The following PSMD1 variants were observed in gnomAD, a reference collection of about 807,000 sequenced individuals.
PSMD1 encodes the protein 26S proteasome non-ATPase regulatory subunit 1.
PSMD1 carries 18 observed loss-of-function variants against 119.0 expected under a neutral mutation model. The ratio of observed to expected loss-of-function variants is 0.15; its 90% CI spans 0.10 to 0.22. PSMD1 has a LOEUF of 0.22. PSMD1 is among the 10% of genes least tolerant of loss of function. PSMD1 has a pLI of 1.00. For synonymous variants in PSMD1, 374 were observed against 396.6 expected, an observed-to-expected ratio of 0.94 and a Z score of 0.68; for missense variants, 702 against 1,158.5, an observed-to-expected ratio of 0.61 and a Z score of 5.72.
chr2:231,169,159 T>G (rs79664534), intron 23 of PSMD1, among the ~76,000 whole-genome samples: 6,914 of 152,226 alleles, frequency 0.045, 224 homozygotes, highest in African/African-American at 0.09. Flanking sequence ...GGATTTTTTT[T>G]TGTGTGTGTG....
At chr2:231,064,027 T>C (rs1385791467) in intron 4 of PSMD1, among the ~76,000 whole-genome samples, 3 of 152,176 alleles carry the variant, frequency 2.0e-5, no homozygotes, top group Non-Finnish European at 4.4e-5. Flanking sequence ...ATGCTTAAAA[T>C]GCCACCATTG....
chr2:231,074,977 C>T (rs1463832778), intron 7 of PSMD1, among the ~76,000 whole-genome samples: 6 of 152,164 alleles, frequency 3.9e-5, no homozygotes, highest in African/African-American at 1.4e-4. Context: ...TACAGGCACG[C>T]ACCACTATAC....
chr2:231,167,865 G>A (rs1263458035), intron 23 of PSMD1, among the ~76,000 whole-genome samples: 1 of 152,216 alleles, frequency 6.6e-6, no homozygotes, highest in Non-Finnish European at 1.5e-5. Flanking sequence ...AAGATGTACA[G>A]ATGGGCAAAT....
intron 16 of PSMD1, among the ~76,000 whole-genome samples, chr2:231,134,475 C>T (rs1695925590): frequency 6.6e-6 from 1 of 152,180 alleles, no homozygotes; most frequent in Non-Finnish European, 1.5e-5. Context: ...ATAATAATCA[C>T]TCAATAAATA....
At chr2:231,123,423 TG>T in intron 16 of PSMD1, 1 of 1,613,012 alleles carries the variant, frequency 6.2e-7, no homozygotes, top group Non-Finnish European at 8.5e-7. Context: ...CAAACATTAT[TG>T]TCAAGAGGGC....
intron 16 of PSMD1, among the ~76,000 whole-genome samples, chr2:231,119,416 A>G (rs774490182): frequency 6.6e-6 from 1 of 151,948 alleles, no homozygotes; most frequent in Non-Finnish European, 1.5e-5. Flanking sequence ...AAGTGATTGA[A>G]CTCTGAAATA....
At chr2:231,086,426 G>A (rs1216873593) in intron 15 of PSMD1, among the ~76,000 whole-genome samples, 1 of 152,196 alleles carries the variant, frequency 6.6e-6, no homozygotes, top group Non-Finnish European at 1.5e-5. Flanking sequence ...GGAGGCAGTG[G>A]TGGGCAGATC....
Position 231,077,049 on chromosome 2 carries a change from G to A in PSMD1, c.958G>A (p.Asp320Asn). ...KTPEASPEPK[D>N]QTLKMIKILS... The stretch of plus-strand genomic sequence containing the variant: ...GTTTTGGCAGAGTCCAGAGCCTAAG[G>A]ACCAGACTTTGAAAATGATTAAAAT... The change falls in exon 9 of 25, where the codon GAC becomes AAC. Residue 320 changes from aspartate (D) to asparagine (N), a missense_variant. Around this residue, in one of 9 missense-constraint regions of PSMD1, gnomAD observed 69 missense variants for 71.6 expected, o/e 0.96. Coordinates refer to ENST00000308696, the MANE Select transcript of PSMD1 (RefSeq NM_002807.4). 6.2e-7 allele frequency: 1 copy of A among 1,603,986 alleles called. No homozygotes were observed. The highest frequency in any genetic ancestry group is 8.5e-7 in the Non-Finnish European group (1 of 1,176,748).
intron 18 of PSMD1, 120 bp downstream of exon 18, chr2:231,146,476 T>A: frequency 2.8e-6 from 2 of 708,342 alleles, no homozygotes; most frequent in Non-Finnish European, 4.9e-6. Context: ...AAAGTAAAAG[T>A]AAAGAGAGCA....
intron 5 of PSMD1, among the ~76,000 whole-genome samples, chr2:231,069,652 C>G (rs1279528340): frequency 6.6e-6 from 1 of 152,020 alleles, no homozygotes; most frequent in African/African-American, 2.4e-5. Flanking sequence ...AGTCTAGTAG[C>G]AAGATAAGAA....
At chr2:231,149,335 A>G (rs934454925) in intron 18 of PSMD1, among the ~76,000 whole-genome samples, 6 of 152,168 alleles carry the variant, frequency 3.9e-5, no homozygotes. Flanking sequence ...TCTCCTCTTT[A>G]TTAAATTATC....
chr2:231,072,751 G>C (rs771771149), intron 7 of PSMD1, among the ~76,000 whole-genome samples: 1 of 151,938 alleles, frequency 6.6e-6, no homozygotes, highest in Non-Finnish European at 1.5e-5. Flanking sequence ...GATATATCTG[G>C]GTTAGATATT....
At chr2:231,130,657 G>A (rs1040676820) in intron 16 of PSMD1, among the ~76,000 whole-genome samples, 5 of 152,006 alleles carry the variant, frequency 3.3e-5, no homozygotes, top group Non-Finnish European at 7.4e-5. Flanking sequence ...GGGGTTTCGC[G>A]GGAATGCCAA....
At chr2:231,060,080 C>A (rs1693719348) in intron 1 of PSMD1, among the ~76,000 whole-genome samples, 1 of 152,160 alleles carries the variant, frequency 6.6e-6, no homozygotes, top group South Asian at 2.1e-4. Context: ...AAGATCTGTT[C>A]TACATTTAAA....
intron 16 of PSMD1, among the ~76,000 whole-genome samples, chr2:231,111,606 A>T (rs1283495022): frequency 6.6e-6 from 1 of 152,240 alleles, no homozygotes. Flanking sequence ...GAATTTCAGA[A>T]CTGAGCTTAT....
At position 231,160,188 on chromosome 2, in the gene PSMD1, G is replaced by T. The variant is rs1051971322; in HGVS notation, c.2219-1152G>T. Reference sequence around the variant, plus strand: ...TTTCCTTAGAAAAATTTCAGTTAGGGTTAGAGGTTAAGTTTTCTTTTGTAA... The same window carrying T: ...TTTCCTTAGAAAAATTTCAGTTAGGTTTAGAGGTTAAGTTTTCTTTTGTAA... On this transcript the variant is annotated intron_variant, in intron 19 of 24. Coordinates refer to ENST00000308696, the MANE Select transcript of PSMD1 (RefSeq NM_002807.4). 8.5e-5 allele frequency among the ~76,000 whole-genome samples: 13 copies of T among 152,198 alleles called. 1 individual carries two copies. Among genetic ancestry groups the T allele is most frequent in the African/African-American group, 3.1e-4 (13 of 41,450 alleles).
chr2:231,134,008 A>G (rs1475903780), intron 16 of PSMD1, among the ~76,000 whole-genome samples: 1 of 152,220 alleles, frequency 6.6e-6, no homozygotes, highest in Non-Finnish European at 1.5e-5. Context: ...GAAACAACAA[A>G]TTAGAATGTA....
intron 16 of PSMD1, among the ~76,000 whole-genome samples, chr2:231,088,989 G>A (rs1694520480): frequency 6.6e-6 from 1 of 152,188 alleles, no homozygotes; most frequent in African/African-American, 2.4e-5. Context: ...CAGCCTTATT[G>A]CTGATAAGGA....
At chr2:231,118,286 GA>G (rs1316318448) in intron 16 of PSMD1, among the ~76,000 whole-genome samples, 4 of 152,044 alleles carry the variant, frequency 2.6e-5, no homozygotes, top group Non-Finnish European at 5.9e-5. Flanking sequence ...ACTCAACCAT[GA>G]AAACACTCCT....
Sources: gnomAD v4.1 joint callset for allele counts (sites outside exome capture counted in the v4.1 genomes callset) on GRCh38, gnomAD v4.1.1 for gene constraint, gnomAD v4.1.1 regional missense constraint, MANE v1.5 for transcripts, NCBI Gene and HGNC (gene_info 2026-07-23, HGNC 2026-07-21) for gene names.